The following GEMIN6 variants were observed in gnomAD, a reference collection of about 807,000 sequenced individuals.
GEMIN6 encodes gem-associated protein 6.
Under a neutral mutation model 14.1 loss-of-function variants are expected in GEMIN6, and 13 were observed. That is an observed-to-expected ratio of 0.92 (90% CI 0.60 to 1.46). GEMIN6 has a LOEUF of 1.46. Among genes scored for constraint, GEMIN6 ranks in the 40% most tolerant of loss-of-function variants. The probability of loss-of-function intolerance (pLI) is 0.00; values close to 1 mark genes in which losing one functional copy is unlikely to be tolerated. For synonymous variants in GEMIN6, 87 were observed against 70.0 expected (o/e 1.24, Z -1.21); for missense variants, 271 against 202.4 (o/e 1.34, Z -2.06).
Position 38,782,235 on chromosome 2 carries a change from C to G in GEMIN6, c.*343C>G, listed in dbSNP as rs1170572125. The G allele has an allele frequency of 1.1e-5, 2 of 175,910 alleles. No individual in the cohort carries two copies. Among genetic ancestry groups the G allele is most frequent in the South Asian group, 1.4e-4 (1 of 6,906 alleles). The allele number at this position is 175,910 out of a possible 1,614,324, so 10.9% of individuals were successfully genotyped here. A position where few individuals can be genotyped will look rare whatever the true frequency, so the allele number is the denominator to read the frequency against. On this transcript the variant is annotated 3_prime_UTR_variant, in exon 3 of 3. Transcript: ENST00000281950. ...CTCAGCTCAGTGCAACCTCCGCCTC[C>G]CAGGTTCAACCGATTCCCCTGCCTC...
Position 38,779,118 on chromosome 2 carries a change from A to T in GEMIN6, c.128A>T (p.Asn43Ile), listed in dbSNP as rs1192115303. The change falls in exon 2 of 3, where the codon AAT (asparagine) becomes ATT (isoleucine). Residue 43 changes from asparagine (N) to isoleucine (I), a missense_variant and splice_region_variant. Transcript: ENST00000281950. ...TTAACTACAGACCCAGTCTCTGCCA[A>T]GTGAGTATGCATCCTACTTGCCTGA... ...WVLTTDPVSA[N>I]IVLVNFLEDG... 2.5e-6 allele frequency: 4 copies of T among 1,611,694 alleles called. No individual in the cohort carries two copies. Among genetic ancestry groups the T allele is most frequent in the Non-Finnish European group, 3.4e-6 (4 of 1,179,000 alleles).
rs187659588 is a variant in GEMIN6 at position 38,778,214 on chromosome 2, T to A, written c.-87T>A. 2.0e-5 allele frequency: 3 copies of A among 152,306 alleles called. No homozygotes were observed. The highest frequency in any genetic ancestry group is 2.0e-4 in the Admixed American group (3 of 15,284). The allele number at this position is 152,306 out of a possible 1,614,324, so 9.4% of individuals were successfully genotyped here. ...CAAAGCATGCTGGTCTCAGGCGGTC[T>A]CCGCTCAACGATCCTTCCTCAAAGC... On this transcript the variant is annotated 5_prime_UTR_variant, in exon 1 of 3. Transcript: ENST00000281950.
Position 38,784,586 on chromosome 2 carries a change from C to T in GEMIN6, c.*2694C>T, listed in dbSNP as rs1421190235. 6.6e-6 allele frequency: 1 copy of T among 151,110 alleles called. No individual in the cohort carries two copies. Among genetic ancestry groups the T allele is most frequent in the African/African-American group, 2.4e-5 (1 of 41,126 alleles). 9.4% of individuals were successfully genotyped at this position (151,110 alleles called of 1,614,324 possible). ...ATCCACAGCATCAATTGGACTTGAT[C>T]TTGGCTCAGGGACCAGGCCCGGTGC... On this transcript the variant is annotated 3_prime_UTR_variant, in exon 3 of 3. Transcript: ENST00000281950.
Position 38,782,953 on chromosome 2 carries a change from C to T in GEMIN6, c.*1061C>T, listed in dbSNP as rs1005196666. The T allele has an allele frequency of 3.9e-5, 6 of 152,090 alleles. No individual in the cohort carries two copies. The highest frequency in any genetic ancestry group is 1.4e-4 in the African/African-American group (6 of 41,390). The allele number at this position is 152,090 out of a possible 1,614,324, so 9.4% of individuals were successfully genotyped here. On this transcript the variant is annotated 3_prime_UTR_variant, in exon 3 of 3. Coordinates refer to ENST00000281950, the MANE Select transcript of GEMIN6 (RefSeq NM_024775.10). The stretch of plus-strand genomic sequence containing the variant: ...GTGCAATCTCGGCTTACCACAACCT[C>T]TGCCTCCCAGGTTCAAGCAATTCTC...
Position 38,783,828 on chromosome 2 carries a change from G to A in GEMIN6, c.*1936G>A, listed in dbSNP as rs1669145094. On this transcript the variant is annotated 3_prime_UTR_variant, in exon 3 of 3. Coordinates refer to ENST00000281950, the MANE Select transcript of GEMIN6 (RefSeq NM_024775.10). ...GATAACACAGCTATTTTCCTGCATA[G>A]TTGTCTAATAACAAGATGGTATAGT... 1 of 152,124 alleles carries A rather than the reference G, an allele frequency of 6.6e-6. No homozygotes were observed. Among genetic ancestry groups the A allele is most frequent in the Admixed American group, 6.6e-5 (1 of 15,240 alleles). The allele number at this position is 152,124 out of a possible 1,614,324, so 9.4% of individuals were successfully genotyped here.
chr2:38,779,026 G>T lies in GEMIN6; in HGVS notation c.36G>T (p.Trp12Cys), dbSNP rs370876424. 8.1e-6 allele frequency: 13 copies of T among 1,613,484 alleles called. No individual in the cohort carries two copies. In the Admixed American group the frequency reaches 2.0e-4, roughly 25 times the overall value. Residue 12 changes from tryptophan to cysteine, a missense_variant, in exon 2 of 3, where the codon TGG becomes TGT. Trp to Cys is a radical substitution (Grantham distance 215). Transcript: ENST00000281950. Reference protein sequence around the residue: ...SEWMKKGPLEWQDYIYKEVRV... With the variant: ...SEWMKKGPLECQDYIYKEVRV... ...GGATGAAGAAAGGCCCCTTAGAATG[G>T]CAAGATTACATTTACAAAGAGGTCC...
chr2:38,784,810 C>G lies in GEMIN6; in HGVS notation c.*2918C>G, dbSNP rs1238296678. 1.3e-5 allele frequency: 2 copies of G among 152,202 alleles called. No individual in the cohort carries two copies. Among genetic ancestry groups the G allele is most frequent in the African/African-American group, 4.8e-5 (2 of 41,456 alleles). 9.4% of individuals were successfully genotyped at this position (152,202 alleles called of 1,614,324 possible). On this transcript the variant is annotated 3_prime_UTR_variant, in exon 3 of 3. Transcript: ENST00000281950. ...CCTAGCTAATTCCTCAGCTAAGATT[C>G]TCCCCAGGAGTTTCACTCACCTGTT...
In GEMIN6 at chr2:38,781,827, T is replaced by C. The variant is rs781024749; in HGVS notation, c.439T>C (p.Ser147Pro). 9 of 1,614,074 alleles carry C rather than the reference T, an allele frequency of 5.6e-6. No individual in the cohort carries two copies. In the East Asian group the frequency reaches 2.0e-4, roughly 36 times the overall value. The change falls in exon 3 of 3, where the codon TCT (serine) becomes CCT (proline). Residue 147 changes from serine to proline, a missense_variant. Physicochemically the swap from Ser to Pro is moderately conservative, Grantham distance 74 (BLOSUM62 -1). Coordinates refer to ENST00000281950, the MANE Select transcript of GEMIN6 (RefSeq NM_024775.10). The part of the protein sequence containing the change: ...PPYGPENCSS[S>P]NEIILSRVQD... ...ATATGGTCCAGAAAATTGCAGCAGCTCTAATGAGATTATTCTGTCGCGTGT... is the reference window on the plus strand; with the variant it reads ...ATATGGTCCAGAAAATTGCAGCAGCCCTAATGAGATTATTCTGTCGCGTGT...
Position 38,781,637 on chromosome 2 carries a change from G to T in GEMIN6, c.249G>T (p.Met83Ile). 1 of 1,614,224 alleles carries T rather than the reference G, an allele frequency of 6.2e-7. No homozygotes were observed. The highest frequency in any genetic ancestry group is 8.5e-7 in the Non-Finnish European group (1 of 1,180,046). ...ACCATAGAGTGAGGGAGAAGCTGAT[G>T]CATTTGTTCACGTCTGGAGACTGCA... ...EGDHRVREKL[M>I]HLFTSGDCKA... The change falls in exon 3 of 3, where the codon ATG (methionine) becomes ATT (isoleucine). Residue 83 changes from methionine to isoleucine, a missense_variant. Met to Ile is a conservative substitution (Grantham distance 10, BLOSUM62 1). Transcript: ENST00000281950.
intron 1 of GEMIN6, 23 bp downstream of exon 1, chr2:38,778,304 T>C (rs1175168695): frequency 6.6e-6 from 1 of 152,206 alleles, no homozygotes; most frequent in Non-Finnish European, 1.5e-5. Context: ...TTTGTCAGGG[T>C]TAAACGTTAA....
At position 38,783,062 on chromosome 2, in the gene GEMIN6, G is replaced by GA. The variant is rs1258634913; in HGVS notation, c.*1170_*1171insA. On this transcript the variant is annotated 3_prime_UTR_variant, in exon 3 of 3. Transcript: ENST00000281950. The stretch of plus-strand genomic sequence containing the variant: ...TTTGTATTTTTTTAGTAGAGACGGG[G>GA]TTTTTCCATGTTGGTCAGGCTGGTC... 1.3e-5 allele frequency: 2 copies of GA among 151,998 alleles called. No homozygotes were observed. Among genetic ancestry groups the GA allele is most frequent in the Non-Finnish European group, 2.9e-5 (2 of 68,116 alleles). 9.4% of individuals were successfully genotyped at this position (151,998 alleles called of 1,614,324 possible).
At position 38,781,714 on chromosome 2, in the gene GEMIN6, G is replaced by A; in HGVS notation, c.326G>A (p.Trp109Ter). ...LEERKNSLKK[W>*]LEKNHIPITE... is the part of the protein sequence containing the mutation. ...GAGAGAAAGAACAGCCTAAAGAAAT[G>A]GCTTGAGAAGAACCACATCCCCATC... The change falls in exon 3 of 3, where the codon TGG (tryptophan) becomes TAG (stop). Residue 109 changes from tryptophan (W) to a stop codon, truncating the protein, a stop_gained. Coordinates refer to ENST00000281950, the MANE Select transcript of GEMIN6 (RefSeq NM_024775.10). LOFTEE classifies it high-confidence loss of function. The A allele has an allele frequency of 1.2e-6, 2 of 1,614,190 alleles. No homozygotes were observed. Among genetic ancestry groups the A allele is most frequent in the Non-Finnish European group, 1.7e-6 (2 of 1,180,036 alleles).
chr2:38,780,974 CTTCTT>C (rs1558338404), intron 2 of GEMIN6, among the ~76,000 whole-genome samples: 5 of 32,850 alleles, frequency 1.5e-4, no homozygotes, highest in Non-Finnish European at 2.9e-4. Flanking sequence ...ACCCTGCCTT[CTTCTT>C]TTTTTTTTTT....
At chr2:38,780,636 C>CA (rs577359450) in intron 2 of GEMIN6, among the ~76,000 whole-genome samples, 2,970 of 148,344 alleles carry the variant, frequency 0.02, 38 homozygotes, top group Non-Finnish European at 0.027. Context: ...CTCACCTGAC[C>CA]TTTTTTTTTT....
rs1669120049 is a variant in GEMIN6 at position 38,782,812 on chromosome 2, A to T, written c.*920A>T. On this transcript the variant is annotated 3_prime_UTR_variant, in exon 3 of 3. Transcript: ENST00000281950. ...ACTCCGTCTCAAAAAAAAAAAAAAAAATTATTGGAACACAGCATTACCTAT... is the reference window on the plus strand; with the variant it reads ...ACTCCGTCTCAAAAAAAAAAAAAAATATTATTGGAACACAGCATTACCTAT... 6.6e-6 allele frequency: 1 copy of T among 151,868 alleles called. No individual in the cohort carries two copies. The highest frequency in any genetic ancestry group is 6.6e-5 in the Admixed American group (1 of 15,216). The allele number at this position is 151,868 out of a possible 1,614,324, so 9.4% of individuals were successfully genotyped here. A position where few individuals can be genotyped will look rare whatever the true frequency, so the allele number is the denominator to read the frequency against.
chr2:38,779,470 A>AGC (rs1669026210), intron 2 of GEMIN6: 1 of 264,944 alleles, frequency 3.8e-6, no homozygotes, highest in African/African-American at 2.4e-5. Context: ...ATCTCCAAGG[A>AGC]TCTGCCCACC....
rs751452619 is a variant in GEMIN6 at position 38,781,468 on chromosome 2, G to A, written c.129-49G>A. On this transcript the variant is annotated intron_variant, in intron 2 of 2. Transcript: ENST00000281950. Reference sequence around the variant, plus strand: ...GAGTAGAGTGTCATCTATTATTTTAGTGACCTACTTGGGTTGATGATGCCT... The same window carrying A: ...GAGTAGAGTGTCATCTATTATTTTAATGACCTACTTGGGTTGATGATGCCT... 1.4e-5 allele frequency: 22 copies of A among 1,526,892 alleles called. No homozygotes were observed. In the Admixed American group the frequency reaches 4.0e-4, roughly 28 times the overall value. 94.6% of individuals were successfully genotyped at this position (1,526,892 alleles called of 1,614,324 possible).
intron 1 of GEMIN6, 58 bp from the exon 2 acceptor site, chr2:38,778,914 G>A: frequency 7.0e-7 from 1 of 1,429,878 alleles, no homozygotes; most frequent in Non-Finnish European, 9.5e-7. Flanking sequence ...ATGGAGATTA[G>A]GGATAAGACA....
Position 38,782,069 on chromosome 2 carries a change from T to C in GEMIN6, c.*177T>C. On this transcript the variant is annotated 3_prime_UTR_variant, in exon 3 of 3. Transcript: ENST00000281950. Reference sequence around the variant, plus strand: ...AGTGCTAATTTCCTTGGGAAATTAATGAACTAGGGCAAGTATAGCATCCCA... The same window carrying C: ...AGTGCTAATTTCCTTGGGAAATTAACGAACTAGGGCAAGTATAGCATCCCA... The C allele has an allele frequency of 1.7e-6, 1 of 583,408 alleles. No homozygotes were observed. Among genetic ancestry groups the C allele is most frequent in the East Asian group, 2.9e-5 (1 of 34,474 alleles). 36.1% of individuals were successfully genotyped at this position (583,408 alleles called of 1,614,324 possible). A position where few individuals can be genotyped will look rare whatever the true frequency, so the allele number is the denominator to read the frequency against.
Sources: allele counts gnomAD v4.1 joint callset (sites outside exome capture counted in the v4.1 genomes callset), GRCh38; gene constraint gnomAD v4.1.1; transcripts MANE v1.5; gene names NCBI Gene and HGNC (gene_info 2026-07-23, HGNC 2026-07-21).